Variants in SEC16A observed in about 807,000 individuals in gnomAD.
SEC16A encodes the protein SEC16 homolog A, endoplasmic reticulum export factor, also known as protein transport protein Sec16A.
SEC16A carries 110 observed loss-of-function variants against 221.9 expected under a neutral mutation model. That is an observed-to-expected ratio of 0.50 (90% CI 0.42 to 0.58). The LOEUF (loss-of-function observed/expected upper bound fraction) is 0.58. SEC16A is among the 20% of genes least tolerant of loss of function. The pLI, the probability that SEC16A is intolerant of heterozygous loss-of-function variation, is 0.00. For missense variants in SEC16A, 3,165 were observed against 3,097.8 expected, an observed-to-expected ratio of 1.02 and a Z score of -0.52; for synonymous variants, 1,393 against 1,257.7, an observed-to-expected ratio of 1.11 and a Z score of -2.28.
chr9:136,445,528 G>C, intron 29 of SEC16A, 117 bp downstream of exon 29: 1 of 771,380 alleles, frequency 1.3e-6, no homozygotes, highest in African/African-American at 1.8e-5. Flanking sequence ...AGGTGCTCTT[G>C]TTTCTAAACT....
At position 136,474,668 on chromosome 9, in the gene SEC16A, T is replaced by C. The variant is rs1355866586; in HGVS notation, c.2948A>G (p.His983Arg). Residue 983 changes from histidine (H) to arginine (R), a missense_variant, in exon 3 of 32, where the codon CAT becomes CGT. Physicochemically the swap from His to Arg is conservative, Grantham distance 29. This residue lies in a region of SEC16A where 2,030 missense variants were observed against 1,923.1 expected (regional missense o/e 1.06). Transcript: ENST00000684901. Reference protein sequence around the residue: ...TLVPDGNKANHSSHQEDTYGA... With the variant: ...TLVPDGNKANRSSHQEDTYGA... ...GTAAGTGTCTTCCTGATGACTGGAA[T>C]GGTTTGCCTTATTACCATCAGGCAC... The C allele has an allele frequency of 1.2e-6, 2 of 1,613,626 alleles. No individual in the cohort carries two copies. The highest frequency in any genetic ancestry group is 2.2e-5 in the East Asian group (1 of 44,892).
chr9:136,455,682 G>A lies in SEC16A; in HGVS notation c.5776C>T (p.Leu1926=), dbSNP rs1838543761. The change falls in exon 20 of 32, where the codon CTG becomes TTG. Residue 1926 remains leucine, a synonymous_variant. Transcript: ENST00000684901. ...GCCAGCAGAGGGTTGGCGATCCCCAGGGCTCCTGGCTGACTGAGTCCTGGC... is the reference window on the plus strand; with the variant it reads ...GCCAGCAGAGGGTTGGCGATCCCCAAGGCTCCTGGCTGACTGAGTCCTGGC... The part of the protein sequence containing the change: ...DRPGLSQPGA[L]GIANPLLAVP... The A allele has an allele frequency of 6.3e-7, 1 of 1,594,050 alleles. No individual in the cohort carries two copies. Among genetic ancestry groups the A allele is most frequent in the Admixed American group, 1.7e-5 (1 of 57,584 alleles).
At position 136,445,786 on chromosome 9, in the gene SEC16A, A is replaced by G. The variant is rs1053016270; in HGVS notation, c.6793-67T>C. The stretch of plus-strand genomic sequence containing the variant: ...AATTTAAGTCTCTCACACCAGGCCA[A>G]AAAATATGAAACTGTTCTGGCCTGG... On this transcript the variant is annotated intron_variant, in intron 28 of 31. Coordinates refer to ENST00000684901, the MANE Select transcript of SEC16A (RefSeq NM_014866.2). 2.0e-5 allele frequency: 27 copies of G among 1,340,820 alleles called. No individual in the cohort carries two copies. The African/African-American group carries it at 3.7e-4, about 18-fold the overall frequency. 83.1% of individuals were successfully genotyped at this position (1,340,820 alleles called of 1,614,324 possible). A position where few individuals can be genotyped will look rare whatever the true frequency, so the allele number is the denominator to read the frequency against.
chr9:136,452,670 G>A (rs572569019), intron 22 of SEC16A, among the ~76,000 whole-genome samples: 85 of 150,776 alleles, frequency 5.6e-4, no homozygotes, highest in Non-Finnish European at 9.6e-4. Context: ...GGGAGGCTGA[G>A]GCTGGAGAAT....
chr9:136,450,296 C>T (rs1837607846), intron 23 of SEC16A, among the ~76,000 whole-genome samples: 2 of 152,118 alleles, frequency 1.3e-5, no homozygotes, highest in Admixed American at 6.6e-5. Context: ...ATACACCTAA[C>T]AGAGGACTTA....
intron 23 of SEC16A, among the ~76,000 whole-genome samples, chr9:136,450,738 G>T (rs1035512888): frequency 2.6e-5 from 4 of 152,176 alleles, no homozygotes; most frequent in Non-Finnish European, 5.9e-5. Flanking sequence ...CAACCATTTA[G>T]GACAACTGCT....
Position 136,476,044 on chromosome 9 carries a change from G to A in SEC16A, c.1572C>T (p.Ser524=). Residue 524 remains serine (S), a synonymous_variant, in exon 3 of 32, where the codon AGC becomes AGT. Transcript: ENST00000684901. ...GCCTTCCGTGGCTTCTGCTGCTATA[G>A]CTGGATGACACGCTGTCAGGGTGCA... The part of the protein sequence containing the change: ...HTVHPDSVSS[S]YSSRSHGRLS... 1 of 1,613,612 alleles carries A rather than the reference G, an allele frequency of 6.2e-7. No homozygotes were observed.
chr9:136,451,907 C>A (rs752036039), intron 22 of SEC16A, among the ~76,000 whole-genome samples: 1 of 152,218 alleles, frequency 6.6e-6, no homozygotes, highest in Non-Finnish European at 1.5e-5. Flanking sequence ...CTATAGCAAT[C>A]GCCTACTGAT....
intron 21 of SEC16A, among the ~76,000 whole-genome samples, 177 bp downstream of exon 21, chr9:136,453,932 T>C (rs569834917): frequency 6.6e-6 from 1 of 152,390 alleles, no homozygotes; most frequent in East Asian, 1.9e-4. Context: ...TTAACACTGC[T>C]GTTGTAGTGA....
chr9:136,479,659 A>G (rs968822196), intron 1 of SEC16A, among the ~76,000 whole-genome samples: 1 of 152,144 alleles, frequency 6.6e-6, no homozygotes, highest in Non-Finnish European at 1.5e-5. Context: ...GCCAATCCAC[A>G]CATCTTTGCA....
At chr9:136,450,640 T>C (rs1328825854) in intron 23 of SEC16A, among the ~76,000 whole-genome samples, 1 of 152,092 alleles carries the variant, frequency 6.6e-6, no homozygotes, top group African/African-American at 2.4e-5. Context: ...ATGGCTAAGT[T>C]AAAGAACCGG....
chr9:136,453,072 AAAAAAAAAAAAG>A (rs1224233220), intron 22 of SEC16A, among the ~76,000 whole-genome samples: 6 of 129,658 alleles, frequency 4.6e-5, no homozygotes, highest in Non-Finnish European at 7.1e-5. Flanking sequence ...TCTGTCTCAA[AAAAAAAAAAAAG>A]AAAAAAAAAA....
rs1165206298 is a variant in SEC16A, at chr9:136,447,059, A to G, written c.6698-110T>C. On this transcript the variant is annotated intron_variant, in intron 27 of 31. Transcript: ENST00000684901. This position sits in a 1 kb window ranked among gnomAD's most constrained non-coding sequence, Gnocchi z 5.5. Reference sequence around the variant, plus strand: ...TTCACACTGCACACGCGGCACACTCATGCAGAAACAGGCAAATCAAAAAAA... The same window carrying G: ...TTCACACTGCACACGCGGCACACTCGTGCAGAAACAGGCAAATCAAAAAAA... The G allele has an allele frequency of 6.4e-7, 1 of 1,559,900 alleles. No homozygotes were observed. Among genetic ancestry groups the G allele is most frequent in the South Asian group, 1.2e-5 (1 of 83,600 alleles).
At chr9:136,480,337 G>A (rs903401347) in intron 1 of SEC16A, among the ~76,000 whole-genome samples, 2 of 152,156 alleles carry the variant, frequency 1.3e-5, no homozygotes, top group East Asian at 3.8e-4. Flanking sequence ...CCTTCCCCGG[G>A]AAGATCCTTA....
intron 1 of SEC16A, among the ~76,000 whole-genome samples, chr9:136,481,724 C>T (rs917988526): frequency 1.3e-5 from 2 of 152,198 alleles, no homozygotes; most frequent in Non-Finnish European, 2.9e-5. Context: ...TGCCTACAGT[C>T]TCCCTCACGG....
chr9:136,453,084 G>A lies in SEC16A; in HGVS notation c.6159+344C>T, dbSNP rs144730840. Among the ~76,000 whole-genome samples the A allele has an allele frequency of 2.6e-3, 219 of 83,244 alleles. 2 individuals are homozygous for A. The highest frequency in any genetic ancestry group is 5.9e-3 in the Middle Eastern group (1 of 170). The allele number at this position is 83,244 out of a possible 152,430, so 54.6% of individuals were successfully genotyped here. ...GAATCTGTCTCAAAAAAAAAAAAAA[G>A]AAAAAAAAAAGAAAAAGAGATGTAG... On this transcript the variant is annotated intron_variant, in intron 22 of 31. Coordinates refer to ENST00000684901, the MANE Select transcript of SEC16A (RefSeq NM_014866.2).
At chr9:136,444,911 T>TA in intron 30 of SEC16A, 141 bp downstream of exon 30, 2 of 593,348 alleles carry the variant, frequency 3.4e-6, no homozygotes, top group South Asian at 3.7e-5. Context: ...AGGAACCCTG[T>TA]ACCCTTGGTC....
intron 23 of SEC16A, chr9:136,448,601 G>A (rs1181196803): frequency 2.8e-6 from 2 of 713,052 alleles, no homozygotes; most frequent in South Asian, 3.0e-5. Context: ...GATGGAGGTG[G>A]GGAGCAGATC....
rs536279214 is a variant in SEC16A, at chr9:136,461,191, G to T, written c.4977C>A (p.Ala1659=). Residue 1659 remains alanine, a synonymous_variant, in exon 13 of 32, where the codon GCC becomes GCA. Coordinates refer to ENST00000684901, the MANE Select transcript of SEC16A (RefSeq NM_014866.2). ...TGGGACTGTACCTGGTCATGACTCG[G>T]GCGTGTGTCCGGCTGTCCATCTTAC... ...LASKMDSRTH[A]RVMTRFANSL... is the part of the protein sequence containing the mutation. The T allele has an allele frequency of 1.9e-6, 3 of 1,606,022 alleles. No individual in the cohort carries two copies. The highest frequency in any genetic ancestry group is 2.6e-6 in the Non-Finnish European group (3 of 1,176,428).
Sources: allele counts gnomAD v4.1 joint callset (sites outside exome capture counted in the v4.1 genomes callset), GRCh38; gene constraint gnomAD v4.1.1; regional missense constraint gnomAD v4.1.1; non-coding constraint Gnocchi (gnomAD v3.1); transcripts MANE v1.5; gene names NCBI Gene and HGNC (gene_info 2026-07-23, HGNC 2026-07-21).